Variants in DLG2 observed in about 807,000 individuals in gnomAD.
The protein encoded by DLG2 is discs large MAGUK scaffold protein 2.
In DLG2, 45 loss-of-function variants were observed where a neutral mutation model predicts 132.5. The observed-to-expected ratio is 0.34, with a 90% CI of 0.27 to 0.44. DLG2 has a LOEUF of 0.44. DLG2 is among the 20% of genes least tolerant of loss of function. The pLI, the probability that DLG2 is intolerant of heterozygous loss-of-function variation, is 1.00. For synonymous variants in DLG2, 424 were observed against 419.6 expected (o/e 1.01, Z -0.13); for missense variants, 1,045 against 1,196.9 (o/e 0.87, Z 1.87).
At chr11:84,804,513 A>G (rs1199329312) in intron 6 of DLG2, among the ~76,000 whole-genome samples, 1 of 152,196 alleles carries the variant, frequency 6.6e-6, no homozygotes, top group Non-Finnish European at 1.5e-5. Context: ...GGAAGCAGTT[A>G]AAACAACTAG....
At chr11:84,157,195 T>C (rs1320887232) in intron 9 of DLG2, among the ~76,000 whole-genome samples, 1 of 141,936 alleles carries the variant, frequency 7.0e-6, no homozygotes, top group Non-Finnish European at 1.6e-5. Context: ...ATTTCTTAAC[T>C]GAACTCCAAA....
At chr11:83,503,416 T>G (rs202135696) in intron 21 of DLG2, among the ~76,000 whole-genome samples, 35,775 of 71,078 alleles carry the variant, frequency 0.5, 7,768 homozygotes, top group African/African-American at 0.6. Flanking sequence ...TATATATATA[T>G]ATATATAGAT....
intron 6 of DLG2, among the ~76,000 whole-genome samples, chr11:84,772,265 C>A (rs1220392776): frequency 3.9e-5 from 6 of 152,094 alleles, no homozygotes; most frequent in African/African-American, 1.4e-4. Flanking sequence ...AATATATATG[C>A]ACTCAGCATT....
chr11:84,006,254 C>T (rs149172964), intron 11 of DLG2, among the ~76,000 whole-genome samples: 30 of 151,678 alleles, frequency 2.0e-4, no homozygotes, highest in Admixed American at 7.2e-4. Flanking sequence ...TTTTCACTTA[C>T]ATGTGGGAGC....
chr11:84,947,551 C>A (rs78934247), intron 6 of DLG2, among the ~76,000 whole-genome samples: 1 of 152,194 alleles, frequency 6.6e-6, no homozygotes, highest in Non-Finnish European at 1.5e-5. Flanking sequence ...TAGAAGCCTT[C>A]CCCCACCACA....
intron 21 of DLG2, among the ~76,000 whole-genome samples, chr11:83,503,622 C>A (rs2094560438): frequency 6.6e-6 from 1 of 151,658 alleles, no homozygotes; most frequent in Admixed American, 6.6e-5. Context: ...AGGATGTGGG[C>A]TGGGAGGCTA....
In DLG2 at chr11:84,987,574, T is replaced by C. The variant is rs557850506; in HGVS notation, c.357+124087A>G. Among the ~76,000 whole-genome samples, 10 of 152,214 alleles carry C rather than the reference T, an allele frequency of 6.6e-5. No individual in the cohort carries two copies. In the East Asian group the frequency reaches 1.5e-3, roughly 24 times the overall value. On this transcript the variant is annotated intron_variant, in intron 6 of 27. Coordinates refer to ENST00000376104, the MANE Select transcript of DLG2 (RefSeq NM_001142699.3). ...TGGTTCTGGTATAAAAATAGGCACATAGACGAATGGAACAGAATACAGAAC... is the reference window on the plus strand; with the variant it reads ...TGGTTCTGGTATAAAAATAGGCACACAGACGAATGGAACAGAATACAGAAC...
chr11:84,952,184 C>T (rs910109980), intron 6 of DLG2, among the ~76,000 whole-genome samples: 1 of 152,200 alleles, frequency 6.6e-6, no homozygotes, highest in African/African-American at 2.4e-5. Context: ...AAATCTAAGA[C>T]GTAAAGTAAC....
chr11:84,975,369 G>C (rs2054745749), intron 6 of DLG2, among the ~76,000 whole-genome samples: 3 of 152,114 alleles, frequency 2.0e-5, no homozygotes. Flanking sequence ...AGCCTTCTTT[G>C]AAAGTTCCTT....
At chr11:83,709,799 C>G (rs2084959956) in intron 18 of DLG2, among the ~76,000 whole-genome samples, 1 of 152,160 alleles carries the variant, frequency 6.6e-6, no homozygotes, top group Admixed American at 6.5e-5. Context: ...AACAATGGCA[C>G]TTGACCTTCC....
chr11:83,868,500 A>G (rs975301174), intron 16 of DLG2, among the ~76,000 whole-genome samples: 2 of 152,164 alleles, frequency 1.3e-5, no homozygotes, highest in African/African-American at 4.8e-5. Flanking sequence ...ACACATACAT[A>G]TAAATACATA....
At chr11:84,647,742 T>C (rs533563244) in intron 6 of DLG2, among the ~76,000 whole-genome samples, 4 of 152,288 alleles carry the variant, frequency 2.6e-5, no homozygotes, top group Admixed American at 2.0e-4. Flanking sequence ...ACCTCTGTCA[T>C]AGAGATGTGA....
intron 16 of DLG2, among the ~76,000 whole-genome samples, chr11:83,862,158 A>C (rs2061557281): frequency 6.6e-6 from 1 of 152,212 alleles, no homozygotes; most frequent in South Asian, 2.1e-4. Context: ...TTGCAGCACT[A>C]TTCGCAATAG....
chr11:85,543,471 G>C lies in DLG2; in HGVS notation c.40+55186C>G, dbSNP rs141078227. On this transcript the variant is annotated intron_variant, in intron 3 of 27. Coordinates refer to ENST00000376104, the MANE Select transcript of DLG2 (RefSeq NM_001142699.3). ...TATGTGTGCATGGATCTTTATAGTA[G>C]AATGATTTATAATCCTTTGGGTATA... Among the ~76,000 whole-genome samples the C allele has an allele frequency of 6.2e-3, 940 of 152,258 alleles. 8 individuals carry two copies. The highest frequency in any genetic ancestry group is 0.022 in the African/African-American group (908 of 41,532).
intron 21 of DLG2, among the ~76,000 whole-genome samples, chr11:83,520,823 CG>C (rs1463287012): frequency 1.3e-5 from 2 of 152,084 alleles, no homozygotes; most frequent in Non-Finnish European, 2.9e-5. Context: ...TTGTGTAGCT[CG>C]CATCTTAATG....
At chr11:83,520,931 A>G (rs892282258) in intron 21 of DLG2, among the ~76,000 whole-genome samples, 6 of 152,166 alleles carry the variant, frequency 3.9e-5, no homozygotes, top group Admixed American at 1.3e-4. Context: ...TGGCAGTACT[A>G]AGTTTGTTGA....
Position 84,526,471 on chromosome 11 carries a change from A to G in DLG2, c.519+8099T>C, listed in dbSNP as rs2099320820. On this transcript the variant is annotated intron_variant, in intron 7 of 27. Transcript: ENST00000376104. ...GCAAACCTAGAGGAAAGAACATTAT[A>G]TAGCAGTCCTTCCTGATCTTAGGTT... Among the ~76,000 whole-genome samples, 3 of 152,316 alleles carry G rather than the reference A, an allele frequency of 2.0e-5. No homozygotes were observed. The South Asian group carries it at 6.2e-4, about 32-fold the overall frequency.
chr11:85,403,976 A>C (rs1273343214), intron 3 of DLG2, among the ~76,000 whole-genome samples: 1 of 152,080 alleles, frequency 6.6e-6, no homozygotes, highest in African/African-American at 2.4e-5. Context: ...AGCGGGGAGA[A>C]GAACCATAGC....
chr11:85,547,967 C>A (rs1033134041), intron 3 of DLG2, among the ~76,000 whole-genome samples: 10 of 152,040 alleles, frequency 6.6e-5, no homozygotes, highest in African/African-American at 2.2e-4. Context: ...TATTACCCAC[C>A]TTCTGAAGCC....
Sources: allele counts gnomAD v4.1 joint callset (sites outside exome capture counted in the v4.1 genomes callset), GRCh38; gene constraint gnomAD v4.1.1; transcripts MANE v1.5; gene names NCBI Gene and HGNC (gene_info 2026-07-23, HGNC 2026-07-21).